The following HYAL3 variants were observed in gnomAD, a reference collection of about 807,000 sequenced individuals.
HYAL3 encodes the protein hyaluronidase-3.
In HYAL3, 25 loss-of-function variants were observed where a neutral mutation model predicts 29.6. The observed-to-expected ratio is 0.85, with a 90% CI of 0.62 to 1.18. HYAL3 has a LOEUF of 1.18. Ranked by LOEUF, HYAL3 falls within the 50% of genes most tolerant of loss-of-function variation. HYAL3 has a pLI of 0.00. For missense variants in HYAL3, 442 were observed against 548.4 expected, an observed-to-expected ratio of 0.81 and a Z score of 1.94; for synonymous variants, 215 against 218.3, an observed-to-expected ratio of 0.99 and a Z score of 0.13.
Position 50,293,726 on chromosome 3 carries a change from A to G in HYAL3, c.895-5T>C. ...AATGGACTGCACAAGGTCATCCTGGAGGCAGAGAGCTGCTAAGCCAGTGCT... is the reference window on the plus strand; with the variant it reads ...AATGGACTGCACAAGGTCATCCTGGGGGCAGAGAGCTGCTAAGCCAGTGCT... On this transcript the variant is annotated splice_region_variant and splice_polypyrimidine_tract_variant and intron_variant, in intron 2 of 3. Coordinates refer to ENST00000336307, the MANE Select transcript of HYAL3 (RefSeq NM_003549.4). 4 of 1,613,442 alleles carry G rather than the reference A, an allele frequency of 2.5e-6. No homozygotes were observed. The East Asian group carries it at 6.7e-5, about 27-fold the overall frequency.
Position 50,294,940 on chromosome 3 carries a change from A to G in HYAL3, c.663T>C (p.His221=), listed in dbSNP as rs782393482. ...SMASNYTGRC[H]AATLARNTQL... ...GAGTGTTGCGGGCAAGGGTGGCTGC[A>G]TGGCAGCGGCCGGTATAGTTGGAAG... The change falls in exon 2 of 4, where the codon CAT becomes CAC. Residue 221 remains histidine (H), a synonymous_variant. Coordinates refer to ENST00000336307, the MANE Select transcript of HYAL3 (RefSeq NM_003549.4). 2 of 1,605,152 alleles carry G rather than the reference A, an allele frequency of 1.2e-6. No homozygotes were observed. The highest frequency in any genetic ancestry group is 1.7e-6 in the Non-Finnish European group (2 of 1,173,444).
chr3:50,294,194 A>T (rs1248315958), intron 2 of HYAL3, among the ~76,000 whole-genome samples: 1 of 152,070 alleles, frequency 6.6e-6, no homozygotes, highest in Non-Finnish European at 1.5e-5. Flanking sequence ...GCTATTCGGG[A>T]GGAGGCTTAG....
rs1189241842 is a variant in HYAL3, at chr3:50,297,744, T to A, written c.-18+1469A>T. 1.5e-6 allele frequency: 2 copies of A among 1,320,348 alleles called. No homozygotes were observed. The highest frequency in any genetic ancestry group is 9.6e-7 in the Non-Finnish European group (1 of 1,038,668). The allele number at this position is 1,320,348 out of a possible 1,614,324, so 81.8% of individuals were successfully genotyped here. On this transcript the variant is annotated intron_variant, in intron 1 of 3. Transcript: ENST00000336307. The surrounding 1 kb of genome is among the most constrained non-coding windows in gnomAD (Gnocchi z 4.3). Reference sequence around the variant, plus strand: ...TTGGAGCAGGGAAGGGCTGACAGAGTGCAGGGGGGACCATGCATACTGGAA... The same window carrying A: ...TTGGAGCAGGGAAGGGCTGACAGAGAGCAGGGGGGACCATGCATACTGGAA...
At position 50,299,267 on chromosome 3, in the gene HYAL3, T is replaced by A; in HGVS notation, c.-72A>T. The A allele has an allele frequency of 6.2e-7, 1 of 1,613,786 alleles. No individual in the cohort carries two copies. The highest frequency in any genetic ancestry group is 8.5e-7 in the Non-Finnish European group (1 of 1,179,968). On this transcript the variant is annotated 5_prime_UTR_variant, in exon 1 of 4. Transcript: ENST00000336307. ...CGTCCTAGCTCCGCACAGCTGGGTA[T>A]CTCACTCAGTCGCCACCTCGGACTC... is the stretch of plus-strand genomic sequence containing the variant.
chr3:50,297,679 A>G lies in HYAL3; in HGVS notation c.-18+1534T>C, dbSNP rs1337696465. On this transcript the variant is annotated intron_variant, in intron 1 of 3. Transcript: ENST00000336307. The surrounding 1 kb of genome is among the most constrained non-coding windows in gnomAD (Gnocchi z 4.3). ...GACCACAGTGGCTCTCCTCCTGTAG[A>G]TAACAGCCATGCTGGGCTGTGCCAG... 2.2e-6 allele frequency: 3 copies of G among 1,388,060 alleles called. No homozygotes were observed. The highest frequency in any genetic ancestry group is 2.8e-6 in the Non-Finnish European group (3 of 1,075,972). 86.0% of individuals were successfully genotyped at this position (1,388,060 alleles called of 1,614,324 possible).
chr3:50,299,327 C>A lies in HYAL3; in HGVS notation c.-132G>T, dbSNP rs1702019960. 3 of 1,597,176 alleles carry A rather than the reference C, an allele frequency of 1.9e-6. No individual in the cohort carries two copies. The highest frequency in any genetic ancestry group is 1.7e-6 in the Non-Finnish European group (2 of 1,173,806). On this transcript the variant is annotated 5_prime_UTR_variant, in exon 1 of 4. Transcript: ENST00000336307. Reference sequence around the variant, plus strand: ...ACAACGTTGGCCCCCAGCGGTGCGGCGGATGTTCTGCAGCCGTCGCGTCCT... The same window carrying A: ...ACAACGTTGGCCCCCAGCGGTGCGGAGGATGTTCTGCAGCCGTCGCGTCCT...
At position 50,293,136 on chromosome 3, in the gene HYAL3, G is replaced by A. The variant is rs917900632; in HGVS notation, c.*110C>T. On this transcript the variant is annotated 3_prime_UTR_variant, in exon 4 of 4. Transcript: ENST00000336307. ...GGATTCCAAGGGAAGCGGGGTGTGT[G>A]CTTGGGAGGGTTGACTGTAAACTGA... is the stretch of plus-strand genomic sequence containing the variant. 11 of 1,542,462 alleles carry A rather than the reference G, an allele frequency of 7.1e-6. No homozygotes were observed. The highest frequency in any genetic ancestry group is 1.4e-5 in the African/African-American group (1 of 73,550).
chr3:50,297,142 G>C lies in HYAL3; in HGVS notation c.-17-1523C>G. 1 of 1,589,038 alleles carries C rather than the reference G, an allele frequency of 6.3e-7. No homozygotes were observed. The highest frequency in any genetic ancestry group is 8.6e-7 in the Non-Finnish European group (1 of 1,166,314). ...GCTTCAAGTGTGGGGTGGGGGCTTAGCAGCATCAGGCAGAGGGGGAAGGCA... is the reference window on the plus strand; with the variant it reads ...GCTTCAAGTGTGGGGTGGGGGCTTACCAGCATCAGGCAGAGGGGGAAGGCA... On this transcript the variant is annotated intron_variant, in intron 1 of 3. Coordinates refer to ENST00000336307, the MANE Select transcript of HYAL3 (RefSeq NM_003549.4). The surrounding 1 kb of genome is among the most constrained non-coding windows in gnomAD (Gnocchi z 4.3).
intron 1 of HYAL3, 145 bp from the exon 2 acceptor site, chr3:50,295,764 T>G: frequency 1.5e-6 from 1 of 672,060 alleles, no homozygotes; most frequent in Non-Finnish European, 2.3e-6. Flanking sequence ...AGGGGTCTCT[T>G]GGGCCTTTTA....
At chr3:50,296,466 C>G (rs1553711154) in intron 1 of HYAL3, 2 of 1,052,032 alleles carry the variant, frequency 1.9e-6, no homozygotes, top group Admixed American at 5.5e-5. Flanking sequence ...CCTGGCCCCA[C>G]TGGTACCCAG....
At chr3:50,298,934 C>T (rs1701995159) in intron 1 of HYAL3, 4 of 1,404,500 alleles carry the variant, frequency 2.8e-6, no homozygotes, top group Non-Finnish European at 2.8e-6. Context: ...CCCTTCAGTG[C>T]CGACCCCACC....
At position 50,292,878 on chromosome 3, in the gene HYAL3, T is replaced by G. The variant is rs1553710197; in HGVS notation, c.*368A>C. ...TGATGAAAGAGTGCAGACAACAGCT[T>G]AGCACTTTACCGACCTTCGCCAAGA... On this transcript the variant is annotated 3_prime_UTR_variant, in exon 4 of 4. Coordinates refer to ENST00000336307, the MANE Select transcript of HYAL3 (RefSeq NM_003549.4). 6.7e-7 allele frequency: 1 copy of G among 1,488,094 alleles called. No homozygotes were observed. Among genetic ancestry groups the G allele is most frequent in the African/African-American group, 1.4e-5 (1 of 72,676 alleles). The allele number at this position is 1,488,094 out of a possible 1,614,324, so 92.2% of individuals were successfully genotyped here. A position where few individuals can be genotyped will look rare whatever the true frequency, so the allele number is the denominator to read the frequency against.
At chr3:50,296,792 G>A in intron 1 of HYAL3, 1 of 1,587,078 alleles carries the variant, frequency 6.3e-7, no homozygotes, top group Non-Finnish European at 8.6e-7. Flanking sequence ...TCAGGTTTGG[G>A]GCCTTCCTGG....
intron 1 of HYAL3, chr3:50,296,669 G>A (rs1047241281): frequency 1.7e-5 from 28 of 1,613,846 alleles, no homozygotes; most frequent in Middle Eastern, 1.7e-4. Flanking sequence ...TCTCCAGCAG[G>A]CTTTTTGAAG....
chr3:50,296,732 G>A (rs1559809861), intron 1 of HYAL3: 2 of 1,612,046 alleles, frequency 1.2e-6, no homozygotes, highest in South Asian at 1.1e-5. Flanking sequence ...GTAGGGGAGG[G>A]GGTGGTGGCA....
chr3:50,293,698 A>G lies in HYAL3; in HGVS notation c.918T>C (p.Gly306=), dbSNP rs1553710479. Residue 306 remains glycine (G), a synonymous_variant, in exon 3 of 4, where the codon GGT becomes GGC. Coordinates refer to ENST00000336307, the MANE Select transcript of HYAL3 (RefSeq NM_003549.4). ...LSQDDLVQSI[G]VSAALGAAGV... ...CGGCTGCCCCTAGTGCTGCACTCAC[A>G]CCAATGGACTGCACAAGGTCATCCT... The G allele has an allele frequency of 1.2e-6, 2 of 1,613,668 alleles. No homozygotes were observed. The highest frequency in any genetic ancestry group is 1.7e-6 in the Non-Finnish European group (2 of 1,180,018).
chr3:50,292,972 C>T lies in HYAL3; in HGVS notation c.*274G>A, dbSNP rs1229909641. Reference sequence around the variant, plus strand: ...CTCCATGGGCTTAGTGAGGTGTAGGCACAAAGCCCTAGGCTGGCAGCCCTA... The same window carrying T: ...CTCCATGGGCTTAGTGAGGTGTAGGTACAAAGCCCTAGGCTGGCAGCCCTA... On this transcript the variant is annotated 3_prime_UTR_variant, in exon 4 of 4. Transcript: ENST00000336307. 7.7e-6 allele frequency: 12 copies of T among 1,550,344 alleles called. No individual in the cohort carries two copies. In the Middle Eastern group the frequency reaches 5.1e-4, roughly 66 times the overall value.
chr3:50,293,128 G>T lies in HYAL3; in HGVS notation c.*118C>A. The stretch of plus-strand genomic sequence containing the variant: ...CCCCTCAGGGATTCCAAGGGAAGCG[G>T]GGTGTGTGCTTGGGAGGGTTGACTG... On this transcript the variant is annotated 3_prime_UTR_variant, in exon 4 of 4. Coordinates refer to ENST00000336307, the MANE Select transcript of HYAL3 (RefSeq NM_003549.4). The T allele has an allele frequency of 6.6e-7, 1 of 1,517,990 alleles. No homozygotes were observed. The allele number at this position is 1,517,990 out of a possible 1,614,324, so 94.0% of individuals were successfully genotyped here. A position where few individuals can be genotyped will look rare whatever the true frequency, so the allele number is the denominator to read the frequency against.
intron 1 of HYAL3, chr3:50,296,870 G>A: frequency 6.2e-7 from 1 of 1,600,846 alleles, no homozygotes; most frequent in Non-Finnish European, 8.5e-7. Flanking sequence ...TGCTGGTGAA[G>A]ACCAGGCCCT....
Sources: allele counts gnomAD v4.1 joint callset (sites outside exome capture counted in the v4.1 genomes callset), GRCh38; gene constraint gnomAD v4.1.1; non-coding constraint Gnocchi (gnomAD v3.1); transcripts MANE v1.5; gene names NCBI Gene and HGNC (gene_info 2026-07-23, HGNC 2026-07-21).